The following LYSMD2 variants were observed in gnomAD, a reference collection of about 807,000 sequenced individuals.
LYSMD2 encodes lysM and putative peptidoglycan-binding domain-containing protein 2.
In LYSMD2, 6 loss-of-function variants were observed where a neutral mutation model predicts 17.7. That is an observed-to-expected ratio of 0.34 (90% CI 0.19 to 0.67). The LOEUF (loss-of-function observed/expected upper bound fraction) is 0.67, where lower values mean the gene tolerates loss of function less well. Ranked by LOEUF, LYSMD2 falls within the 30% of genes least tolerant of loss-of-function variation. The pLI is 0.69. For missense variants in LYSMD2, 237 were observed against 286.7 expected (o/e 0.83, Z 1.25); for synonymous variants, 102 against 129.8 (o/e 0.79, Z 1.45).
intron 1 of LYSMD2, among the ~76,000 whole-genome samples, chr15:51,747,200 A>C (rs544458458): frequency 1.4e-5 from 2 of 141,988 alleles, no homozygotes; most frequent in South Asian, 4.5e-4. Flanking sequence ...ACTCTGTCTC[A>C]AAACCAACAA....
At chr15:51,734,160 G>T (rs918329675) in intron 1 of LYSMD2, among the ~76,000 whole-genome samples, 1 of 152,136 alleles carries the variant, frequency 6.6e-6, no homozygotes, top group Non-Finnish European at 1.5e-5. Context: ...TCCAGCCAGG[G>T]TGACAAAGTG....
chr15:51,725,795 G>A (rs2055536275), intron 1 of LYSMD2, among the ~76,000 whole-genome samples: 1 of 152,102 alleles, frequency 6.6e-6, no homozygotes, highest in African/African-American at 2.4e-5. Context: ...TAGAGTGTCT[G>A]GCAGTGGATG....
In LYSMD2 at chr15:51,723,176, G is replaced by A. The variant is rs182604690; in HGVS notation, c.*431C>T. 51 of 154,074 alleles carry A rather than the reference G, an allele frequency of 3.3e-4. No homozygotes were observed. Among genetic ancestry groups the A allele is most frequent in the African/African-American group, 5.8e-4 (24 of 41,488 alleles). The allele number at this position is 154,074 out of a possible 1,614,324, so 9.5% of individuals were successfully genotyped here. A position where few individuals can be genotyped will look rare whatever the true frequency, so the allele number is the denominator to read the frequency against. On this transcript the variant is annotated 3_prime_UTR_variant, in exon 3 of 3. Transcript: ENST00000267838. ...TAATAGAGAATATGTAAGACATATCGAAATATATATATAGCACTTAAGTTA... is the reference window on the plus strand; with the variant it reads ...TAATAGAGAATATGTAAGACATATCAAAATATATATATAGCACTTAAGTTA...
At chr15:51,738,851 A>T (rs1478325056), upstream of LYSMD2, among the ~76,000 whole-genome samples, 1 of 152,176 alleles carries the variant, frequency 6.6e-6, no homozygotes, top group Non-Finnish European at 1.5e-5. Context: ...CATTACTAAA[A>T]ACCTACATTG....
intron 1 of LYSMD2, among the ~76,000 whole-genome samples, chr15:51,733,423 G>C (rs1595850834): frequency 6.6e-6 from 1 of 151,862 alleles, no homozygotes; most frequent in Non-Finnish European, 1.5e-5. Flanking sequence ...CAGAAAGGTA[G>C]CTCTGAGGGA....
At chr15:51,736,589 T>C (rs2055610532) in intron 1 of LYSMD2, among the ~76,000 whole-genome samples, 1 of 152,242 alleles carries the variant, frequency 6.6e-6, no homozygotes, top group Non-Finnish European at 1.5e-5. Flanking sequence ...TGAAAACTGA[T>C]ACAGATCCCA....
intron 1 of LYSMD2, among the ~76,000 whole-genome samples, chr15:51,748,261 CAAAAAAAAA>C (rs10556304): frequency 1.3e-4 from 8 of 60,224 alleles, no homozygotes; most frequent in South Asian, 8.1e-4. Context: ...GACTCCGTCT[CAAAAAAAAA>C]AAAAAAAAAA....
At chr15:51,741,813 G>A (rs1027913186), upstream of LYSMD2, among the ~76,000 whole-genome samples, 1 of 151,984 alleles carries the variant, frequency 6.6e-6, no homozygotes, top group South Asian at 2.1e-4. Flanking sequence ...CCAGCCACTT[G>A]GGAGGCTGAG....
chr15:51,745,774 A>G (rs1000927203), intron 1 of LYSMD2, among the ~76,000 whole-genome samples: 1 of 152,212 alleles, frequency 6.6e-6, no homozygotes, highest in Non-Finnish European at 1.5e-5. Context: ...AAATAGTCCA[A>G]CTGAAAAATA....
intron 1 of LYSMD2, among the ~76,000 whole-genome samples, chr15:51,745,857 G>A (rs2055665314): frequency 6.6e-6 from 1 of 152,164 alleles, no homozygotes; most frequent in South Asian, 2.1e-4. Context: ...ATGAAAAAAT[G>A]TTCAACATCA....
chr15:51,743,851 G>T (rs371255942), intron 1 of LYSMD2, among the ~76,000 whole-genome samples: 1 of 152,094 alleles, frequency 6.6e-6, no homozygotes, highest in East Asian at 1.9e-4. Flanking sequence ...GTATTTATTT[G>T]TTTCTGTCTG....
chr15:51,733,695 C>G (rs1344377560), intron 1 of LYSMD2, among the ~76,000 whole-genome samples: 1 of 152,076 alleles, frequency 6.6e-6, no homozygotes, highest in Non-Finnish European at 1.5e-5. Flanking sequence ...TTAAAAATTT[C>G]AAGAGATGAC....
intron 1 of LYSMD2, among the ~76,000 whole-genome samples, chr15:51,725,550 T>G (rs568144484): frequency 1.3e-5 from 2 of 152,304 alleles, no homozygotes; most frequent in South Asian, 4.1e-4. Context: ...ACTTAGTAAA[T>G]ACAGTTACTG....
intron 2 of LYSMD2, 26 bp downstream of exon 2, chr15:51,724,764 T>C (rs777468161): frequency 6.5e-7 from 1 of 1,543,888 alleles, no homozygotes; most frequent in Non-Finnish European, 8.8e-7. Flanking sequence ...ATTTAGACTT[T>C]GACATTTGTA....
chr15:51,740,643 A>G (rs748979562), upstream of LYSMD2, among the ~76,000 whole-genome samples: 11 of 152,250 alleles, frequency 7.2e-5, no homozygotes, highest in Non-Finnish European at 1.3e-4. Flanking sequence ...AGAGTTCACC[A>G]AAGTTAAAAG....
At position 51,737,072 on chromosome 15, in the gene LYSMD2, C is replaced by T. The variant is rs548336715; in HGVS notation, c.273+278G>A. 6.6e-6 allele frequency among the ~76,000 whole-genome samples: 1 copy of T among 152,320 alleles called. No homozygotes were observed. Among genetic ancestry groups the T allele is most frequent in the African/African-American group, 2.4e-5 (1 of 41,576 alleles). ...GCGACAGATCTAGTCTGAGCCTGGG[C>T]GGGGCACCGGGAACTCGATGCAGCT... On this transcript the variant is annotated intron_variant, in intron 1 of 2. Transcript: ENST00000267838. This position sits in a 1 kb window ranked among gnomAD's most constrained non-coding sequence, Gnocchi z 4.2.
intron 1 of LYSMD2, among the ~76,000 whole-genome samples, chr15:51,731,084 CAA>C (rs2055573642): frequency 6.6e-6 from 1 of 152,132 alleles, no homozygotes; most frequent in African/African-American, 2.4e-5. Flanking sequence ...AAGAAGGAAA[CAA>C]AGAGTGAGAG....
chr15:51,738,444 CG>C (rs1234714923), upstream of LYSMD2, among the ~76,000 whole-genome samples: 13 of 152,160 alleles, frequency 8.5e-5, no homozygotes, highest in Non-Finnish European at 1.5e-4. Flanking sequence ...ATCTTCTCTT[CG>C]TCAGTTTATT....
intron 1 of LYSMD2, among the ~76,000 whole-genome samples, chr15:51,747,768 A>G (rs1309859170): frequency 6.6e-6 from 1 of 152,184 alleles, no homozygotes; most frequent in Non-Finnish European, 1.5e-5. Flanking sequence ...CTGTGGTATC[A>G]TTTAACATGA....
Sources: gnomAD v4.1 joint callset for allele counts (sites outside exome capture counted in the v4.1 genomes callset) on GRCh38, gnomAD v4.1.1 for gene constraint, Gnocchi (gnomAD v3.1) non-coding constraint, MANE v1.5 for transcripts, NCBI Gene and HGNC (gene_info 2026-07-23, HGNC 2026-07-21) for gene names.